ASIC2: variants seen among roughly 807,000 people sequenced by gnomAD.
ASIC2 encodes acid-sensing ion channel 2.
ASIC2 carries 25 observed loss-of-function variants against 57.3 expected under a neutral mutation model. The observed-to-expected ratio is 0.44, with a 90% CI of 0.32 to 0.61. The LOEUF (loss-of-function observed/expected upper bound fraction) is 0.61, where lower values mean the gene tolerates loss of function less well. Ranked by LOEUF, ASIC2 falls within the 20% of genes least tolerant of loss-of-function variation. The probability of loss-of-function intolerance (pLI) is 0.06; values close to 1 mark genes in which losing one functional copy is unlikely to be tolerated. For missense variants in ASIC2, 641 were observed against 738.1 expected (o/e 0.87, Z 1.52); for synonymous variants, 319 against 307.5 (o/e 1.04, Z -0.39).
intron 1 of ASIC2, among the ~76,000 whole-genome samples, chr17:33,778,179 C>T (rs983397904): frequency 6.6e-6 from 1 of 152,116 alleles, no homozygotes; most frequent in African/African-American, 2.4e-5. Context: ...TCTGAGATCT[C>T]AGGGGGAATT....
At chr17:34,071,524 G>A (rs962567882) in intron 1 of ASIC2, 2 of 152,134 alleles carry the variant, frequency 1.3e-5, no homozygotes, top group African/African-American at 4.8e-5. Flanking sequence ...ATAGAAGGAA[G>A]AAACGAATAG....
At chr17:33,660,362 C>T (rs982855151) in intron 1 of ASIC2, among the ~76,000 whole-genome samples, 5 of 152,010 alleles carry the variant, frequency 3.3e-5, no homozygotes, top group African/African-American at 7.2e-5. Flanking sequence ...AAAAATGACT[C>T]TTGTAGTAGC....
chr17:33,515,193 C>T (rs537054992), intron 1 of ASIC2, among the ~76,000 whole-genome samples: 2 of 152,328 alleles, frequency 1.3e-5, no homozygotes, highest in East Asian at 1.9e-4. Context: ...GTTCCTGAAG[C>T]TCTGGGGTTG....
At chr17:33,557,803 C>T (rs1405777787) in intron 1 of ASIC2, among the ~76,000 whole-genome samples, 1 of 152,140 alleles carries the variant, frequency 6.6e-6, no homozygotes, top group Non-Finnish European at 1.5e-5. Flanking sequence ...AATATCCCTC[C>T]TAAAAATCTT....
At chr17:33,467,826 T>C (rs1287803994) in intron 1 of ASIC2, among the ~76,000 whole-genome samples, 1 of 152,242 alleles carries the variant, frequency 6.6e-6, no homozygotes, top group Non-Finnish European at 1.5e-5. Context: ...ATATATTGAC[T>C]GATGTCTAAA....
chr17:33,674,716 G>T (rs577486273), intron 1 of ASIC2, among the ~76,000 whole-genome samples: 1 of 152,146 alleles, frequency 6.6e-6, no homozygotes, highest in East Asian at 1.9e-4. Context: ...AATCCATGCC[G>T]CTCGTTCTGT....
intron 1 of ASIC2, among the ~76,000 whole-genome samples, chr17:33,966,684 A>G (rs1305485116): frequency 3.3e-5 from 5 of 152,286 alleles, no homozygotes; most frequent in Non-Finnish European, 7.4e-5. Context: ...AGATGAAGAG[A>G]TTAAGGATCA....
At chr17:33,756,422 T>C (rs148443301) in intron 1 of ASIC2, among the ~76,000 whole-genome samples, 94 of 152,300 alleles carry the variant, frequency 6.2e-4, no homozygotes, top group African/African-American at 2.0e-3. Context: ...AGAAATAAGT[T>C]CCCATATACA....
chr17:33,156,979 C>G (rs540829274), intron 1 of ASIC2, among the ~76,000 whole-genome samples: 3 of 152,232 alleles, frequency 2.0e-5, no homozygotes, highest in Non-Finnish European at 4.4e-5. Context: ...CCTTCCCTTG[C>G]CTTGGGAAAT....
intron 1 of ASIC2, among the ~76,000 whole-genome samples, chr17:33,419,680 T>C (rs1910978377): frequency 6.6e-6 from 1 of 152,246 alleles, no homozygotes; most frequent in Non-Finnish European, 1.5e-5. Context: ...TGGGCAAATA[T>C]GGATGTGCAG....
intron 3 of ASIC2, among the ~76,000 whole-genome samples, chr17:33,081,806 G>A (rs900490867): frequency 6.6e-6 from 1 of 152,190 alleles, no homozygotes. Flanking sequence ...AGCCATGGTG[G>A]GATTCCCTTC....
chr17:33,669,632 G>A (rs1249440893), intron 1 of ASIC2, among the ~76,000 whole-genome samples: 3 of 152,186 alleles, frequency 2.0e-5, no homozygotes, highest in African/African-American at 7.2e-5. Context: ...CAAATATAGA[G>A]AACGTGTGTG....
At chr17:33,742,604 T>C (rs962740722) in intron 1 of ASIC2, among the ~76,000 whole-genome samples, 4 of 152,198 alleles carry the variant, frequency 2.6e-5, no homozygotes, top group Non-Finnish European at 5.9e-5. Flanking sequence ...TGGATAAATT[T>C]ACGGAACAAT....
chr17:33,037,331 T>G (rs1472136415), intron 3 of ASIC2, among the ~76,000 whole-genome samples: 1 of 151,570 alleles, frequency 6.6e-6, no homozygotes, highest in East Asian at 1.9e-4. Flanking sequence ...ACAATGAATG[T>G]AGCTGGTGAA....
intron 1 of ASIC2, among the ~76,000 whole-genome samples, chr17:33,324,786 A>T (rs565698122): frequency 6.6e-6 from 1 of 152,278 alleles, no homozygotes; most frequent in South Asian, 2.1e-4. Context: ...CTCCCAAAGA[A>T]AAAAACCATG....
chr17:34,084,399 T>G (rs1486058899), intron 1 of ASIC2, among the ~76,000 whole-genome samples: 1 of 152,274 alleles, frequency 6.6e-6, no homozygotes, highest in East Asian at 1.9e-4. Flanking sequence ...GTTCCATTGA[T>G]CTATATCTCT....
chr17:34,137,634 G>T (rs1912161177), intron 1 of ASIC2, among the ~76,000 whole-genome samples: 1 of 152,130 alleles, frequency 6.6e-6, no homozygotes, highest in Non-Finnish European at 1.5e-5. Context: ...AGTCTGTTCA[G>T]GCAGCTATAA....
chr17:33,995,699 T>C (rs562257836), intron 1 of ASIC2, among the ~76,000 whole-genome samples: 1 of 152,222 alleles, frequency 6.6e-6, no homozygotes, highest in South Asian at 2.1e-4. Flanking sequence ...AATGCACGTA[T>C]ATATACCACA....
chr17:33,349,917 A>G (rs1389238604), intron 1 of ASIC2, among the ~76,000 whole-genome samples: 3 of 142,518 alleles, frequency 2.1e-5, no homozygotes, highest in African/African-American at 7.4e-5. Flanking sequence ...AGAACAATTT[A>G]TGAAAAAAAA....
Sources: allele counts gnomAD v4.1 joint callset (sites outside exome capture counted in the v4.1 genomes callset), GRCh38; gene constraint gnomAD v4.1.1; transcripts MANE v1.5; gene names NCBI Gene and HGNC (gene_info 2026-07-23, HGNC 2026-07-21).